Variants in SLC39A6 observed in about 807,000 individuals in gnomAD.
The protein encoded by SLC39A6 is solute carrier family 39 member 6.
A neutral mutation model predicts 63.5 loss-of-function variants in SLC39A6; 51 were observed. That is an observed-to-expected ratio of 0.80 (90% CI 0.64 to 1.01). The LOEUF (loss-of-function observed/expected upper bound fraction) is 1.01. SLC39A6 is among the 50% of genes least tolerant of loss of function. SLC39A6 has a pLI of 0.00. For missense variants in SLC39A6, 805 were observed against 927.8 expected, an observed-to-expected ratio of 0.87 and a Z score of 1.72; for synonymous variants, 318 against 324.7, an observed-to-expected ratio of 0.98 and a Z score of 0.22.
At chr18:36,112,736 T>TA (rs1427612372) in intron 7 of SLC39A6, among the ~76,000 whole-genome samples, 155 bp from the exon 8 acceptor site, 8 of 152,354 alleles carry the variant, frequency 5.3e-5, no homozygotes, top group East Asian at 1.9e-4. Flanking sequence ...TAAGAAATCT[T>TA]AGAGTACATT....
chr18:36,110,894 G>T, intron 9 of SLC39A6, 165 bp downstream of exon 9: 3 of 1,175,288 alleles, frequency 2.6e-6, no homozygotes, highest in Non-Finnish European at 3.5e-6. Flanking sequence ...AGGAGGCTGA[G>T]ATGGAAGGAT....
Position 36,126,431 on chromosome 18 carries a change from T to C in SLC39A6, c.577A>G (p.Asn193Asp). 2 of 1,614,222 alleles carry C rather than the reference T, an allele frequency of 1.2e-6. No homozygotes were observed. ...AAGTGAGTTCCTTCAGAGACAGTGT[T>C]GTACACAGTTGAGGTCACTTCACTA... Reference protein sequence around the residue: ...SASEVTSTVYNTVSEGTHFLE... With the variant: ...SASEVTSTVYDTVSEGTHFLE... Residue 193 changes from asparagine (N) to aspartate (D), a missense_variant, in exon 2 of 10, where the codon AAC becomes GAC. By Grantham distance (23) the Asn-to-Asp change is conservative. This residue lies in a region of SLC39A6 where 639 missense variants were observed against 644.0 expected (regional missense o/e 0.99). Coordinates refer to ENST00000269187, the MANE Select transcript of SLC39A6 (RefSeq NM_012319.4).
chr18:36,127,651 C>T (rs1025916031), intron 1 of SLC39A6, among the ~76,000 whole-genome samples: 2 of 152,186 alleles, frequency 1.3e-5, no homozygotes, highest in African/African-American at 2.4e-5. Context: ...ACTCTCCTTA[C>T]ATACAAGCCC....
intron 5 of SLC39A6, among the ~76,000 whole-genome samples, chr18:36,120,141 C>T (rs2089380067): frequency 6.6e-6 from 1 of 151,956 alleles, no homozygotes; most frequent in Non-Finnish European, 1.5e-5. Context: ...TAACCTAAAA[C>T]TATGATACAT....
At position 36,122,224 on chromosome 18, in the gene SLC39A6, A is replaced by G. The variant is rs1567960216; in HGVS notation, c.1187T>C (p.Met396Thr). 6.2e-7 allele frequency: 1 copy of G among 1,614,030 alleles called. No individual in the cohort carries two copies. Among genetic ancestry groups the G allele is most frequent in the African/African-American group, 1.3e-5 (1 of 75,022 alleles). Residue 396 changes from methionine (M) to threonine (T), a missense_variant, in exon 5 of 10, where the codon ATG becomes ACG. Transcript: ENST00000269187. ...HHSHSHEEPA[M>T]EMKRGPLFSH... ...GAAAAGTGGTCCTCTTTTCATTTCC[A>G]TTGCTGGTTCTTCATGGCTATGACT...
At chr18:36,111,489 TTTTC>T (rs1407101549) in intron 8 of SLC39A6, among the ~76,000 whole-genome samples, 2 of 123,702 alleles carry the variant, frequency 1.6e-5, no homozygotes. Context: ...CTTTTTTTTT[TTTTC>T]TTTTTTTTGA....
intron 4 of SLC39A6, among the ~76,000 whole-genome samples, chr18:36,122,884 G>A (rs148612343): frequency 2.0e-5 from 3 of 152,316 alleles, no homozygotes; most frequent in Admixed American, 2.0e-4. Context: ...GAGCAACATA[G>A]TTTTCTTTAA....
intron 3 of SLC39A6, among the ~76,000 whole-genome samples, chr18:36,123,953 G>A (rs1413010340): frequency 6.6e-6 from 1 of 152,028 alleles, no homozygotes; most frequent in East Asian, 1.9e-4. Flanking sequence ...TGGTTACCAA[G>A]GATGAACTGT....
Position 36,126,983 on chromosome 18 carries a change from A to G in SLC39A6, c.25T>C (p.Leu9=). 1 of 1,612,264 alleles carries G rather than the reference A, an allele frequency of 6.2e-7. No individual in the cohort carries two copies. The highest frequency in any genetic ancestry group is 8.5e-7 in the Non-Finnish European group (1 of 1,178,822). The stretch of plus-strand genomic sequence containing the variant: ...ACAGAGAGGGCAAAGGTCAGGATCA[A>G]GATTACAGATAACTTCCTCGCCATT... MARKLSVI[L]ILTFALSVTN... The change falls in exon 2 of 10, where the codon TTG becomes CTG. Residue 9 remains leucine (L), a synonymous_variant. Coordinates refer to ENST00000269187, the MANE Select transcript of SLC39A6 (RefSeq NM_012319.4).
intron 6 of SLC39A6, among the ~76,000 whole-genome samples, chr18:36,116,049 C>T (rs2089342531): frequency 6.6e-6 from 1 of 152,106 alleles, no homozygotes; most frequent in Admixed American, 6.5e-5. Flanking sequence ...GTAGAGGCAA[C>T]TAAATGCAAT....
intron 7 of SLC39A6, among the ~76,000 whole-genome samples, chr18:36,113,261 A>G (rs1457391808): frequency 1.4e-5 from 2 of 146,118 alleles, no homozygotes; most frequent in Non-Finnish European, 3.0e-5. Flanking sequence ...TACCTGGCTA[A>G]TTTTTTTTTT....
At chr18:36,116,588 C>T in intron 6 of SLC39A6, 86 bp downstream of exon 6, 1 of 880,738 alleles carries the variant, frequency 1.1e-6, no homozygotes, top group Admixed American at 2.3e-5. Flanking sequence ...GGGACATGGT[C>T]CCATTTCTTC....
At chr18:36,128,968 G>T (rs1287825825) in intron 1 of SLC39A6, 146 bp downstream of exon 1, 1 of 152,506 alleles carries the variant, frequency 6.6e-6, no homozygotes, top group African/African-American at 2.4e-5. Flanking sequence ...GCCTGCGGCG[G>T]GCTCCCCCCA....
At chr18:36,123,249 G>T (rs1395095506) in intron 4 of SLC39A6, among the ~76,000 whole-genome samples, 2 of 152,172 alleles carry the variant, frequency 1.3e-5, no homozygotes, top group African/African-American at 2.4e-5. Flanking sequence ...GGCAGAATTT[G>T]TCTCTTTTTA....
At chr18:36,115,746 T>A (rs1411554842) in intron 6 of SLC39A6, among the ~76,000 whole-genome samples, 1 of 150,482 alleles carries the variant, frequency 6.6e-6, no homozygotes, top group Non-Finnish European at 1.5e-5. Context: ...TGCGGGAGAG[T>A]GGTGGGCTCA....
intron 2 of SLC39A6, 56 bp downstream of exon 2, chr18:36,126,163 G>A: frequency 6.9e-7 from 1 of 1,444,230 alleles, no homozygotes; most frequent in East Asian, 2.3e-5. Context: ...AGATAGAGTA[G>A]CAGAGACAGG....
Position 36,116,664 on chromosome 18 carries a change from A to G in SLC39A6, c.1465+10T>C. 6.3e-7 allele frequency: 1 copy of G among 1,578,476 alleles called. No individual in the cohort carries two copies. Among genetic ancestry groups the G allele is most frequent in the Non-Finnish European group, 8.7e-7 (1 of 1,148,356 alleles). On this transcript the variant is annotated intron_variant, in intron 6 of 9. Transcript: ENST00000269187. ...CCCTCCAGCCCTAAAATTTATGCAT[A>G]AGAACTTACGATCATCTGTATCTAC... is the stretch of plus-strand genomic sequence containing the variant.
At chr18:36,111,356 G>C in intron 8 of SLC39A6, 107 bp from the exon 9 acceptor site, 4 of 1,062,476 alleles carry the variant, frequency 3.8e-6, no homozygotes, top group Non-Finnish European at 5.4e-6. Flanking sequence ...GTTTTTGAGA[G>C]GGGGAAAAGA....
At chr18:36,127,618 T>C (rs11873168) in intron 1 of SLC39A6, among the ~76,000 whole-genome samples, 45,594 of 151,976 alleles carry the variant, frequency 0.3, 7,256 homozygotes, top group Middle Eastern at 0.46. Context: ...AATTCACATA[T>C]TTAAAAAATT....
Sources: gnomAD v4.1 joint callset for allele counts (sites outside exome capture counted in the v4.1 genomes callset) on GRCh38, gnomAD v4.1.1 for gene constraint, gnomAD v4.1.1 regional missense constraint, MANE v1.5 for transcripts, NCBI Gene and HGNC (gene_info 2026-07-23, HGNC 2026-07-21) for gene names.